Variants in SYNE1 observed in about 807,000 individuals in gnomAD.
SYNE1 encodes nesprin-1.
SYNE1 carries 616 observed loss-of-function variants against 1,111.0 expected under a neutral mutation model. That is an observed-to-expected ratio of 0.55 (90% CI 0.52 to 0.59). The LOEUF (loss-of-function observed/expected upper bound fraction) is 0.59. SYNE1 is among the 20% of genes least tolerant of loss of function. The probability of loss-of-function intolerance (pLI) is 0.00; values close to 1 mark genes in which losing one functional copy is unlikely to be tolerated. For missense variants in SYNE1, 10,006 were observed against 10,417.0 expected, an observed-to-expected ratio of 0.96 and a Z score of 1.72; for synonymous variants, 3,855 against 3,825.8, an observed-to-expected ratio of 1.01 and a Z score of -0.28.
Position 152,249,188 on chromosome 6 carries a change from A to G in SYNE1, c.19545T>C (p.Phe6515=). ...CTATTTGTTCTGCTACGGGCTGTTC[A>G]AACACATTTGCCAGTTTTTGCAGAA... ...YIILQKLANV[F]EQPVAEQIEA... The change falls in exon 105 of 146, where the codon TTT becomes TTC. Residue 6515 remains phenylalanine (F), a synonymous_variant. Coordinates refer to ENST00000367255, the MANE Select transcript of SYNE1 (RefSeq NM_182961.4). The G allele has an allele frequency of 6.2e-7, 1 of 1,613,958 alleles. No individual in the cohort carries two copies. Among genetic ancestry groups the G allele is most frequent in the Non-Finnish European group, 8.5e-7 (1 of 1,179,842 alleles).
In SYNE1 at chr6:152,589,306, G is replaced by A. The variant is rs371098485; in HGVS notation, c.67+38959C>T. 2.8e-3 allele frequency among the ~76,000 whole-genome samples: 432 copies of A among 152,102 alleles called. 3 individuals carry two copies. The highest frequency in any genetic ancestry group is 9.5e-3 in the African/African-American group (395 of 41,486). ...CATGAAATATACTATTATTAGTTTT[G>A]ATTATCTGAGAAAGGCTACTAGTAA... On this transcript the variant is annotated intron_variant, in intron 3 of 145. Coordinates refer to ENST00000367255, the MANE Select transcript of SYNE1 (RefSeq NM_182961.4).
intron 91 of SYNE1, chr6:152,302,314 G>C (rs940233714): frequency 1.7e-6 from 1 of 577,972 alleles, no homozygotes; most frequent in African/African-American, 1.9e-5. Context: ...AGAAATGAGG[G>C]GATGAGGCCG....
chr6:152,339,362 T>C lies in SYNE1; in HGVS notation c.12230A>G (p.Lys4077Arg). The change falls in exon 75 of 146, where the codon AAA becomes AGA. Residue 4077 changes from lysine (K) to arginine (R), a missense_variant. Lys to Arg is a conservative substitution (Grantham distance 26). Transcript: ENST00000367255. ...LSRAEAIKQV[K>R]HFRALQEQAR... ...CTGCTCTTGCAAAGCTCTGAAGTGT[T>C]TGACCTGGAAAAGGCAGTTATCAGA... The C allele has an allele frequency of 6.2e-7, 1 of 1,613,726 alleles. No homozygotes were observed. The highest frequency in any genetic ancestry group is 8.5e-7 in the Non-Finnish European group (1 of 1,179,708).
At chr6:152,166,668 T>C (rs972522250) in intron 130 of SYNE1, among the ~76,000 whole-genome samples, 8 of 152,224 alleles carry the variant, frequency 5.3e-5, no homozygotes, top group Admixed American at 3.9e-4. Flanking sequence ...GTTCATATAG[T>C]CCATTAGGGA....
intron 145 of SYNE1, 28 bp from the exon 146 acceptor site, chr6:152,122,704 C>T (rs2051706578): frequency 1.9e-6 from 3 of 1,613,060 alleles, no homozygotes; most frequent in Admixed American, 1.7e-5. Flanking sequence ...ATAAATTACT[C>T]AGATAACTCC....
At chr6:152,178,015 C>T (rs1257847540) in intron 129 of SYNE1, among the ~76,000 whole-genome samples, 1 of 151,104 alleles carries the variant, frequency 6.6e-6, no homozygotes, top group Non-Finnish European at 1.5e-5. Context: ...AAAGAGACGC[C>T]ACAAAGAGGA....
At chr6:152,398,415 G>T (rs1339892115) in intron 49 of SYNE1, among the ~76,000 whole-genome samples, 1 of 152,098 alleles carries the variant, frequency 6.6e-6, no homozygotes, top group South Asian at 2.1e-4. Context: ...GAGAGGAAAG[G>T]GATCTGGAAA....
chr6:152,400,133 T>A (rs2097790002), intron 47 of SYNE1, among the ~76,000 whole-genome samples: 1 of 152,042 alleles, frequency 6.6e-6, no homozygotes, highest in East Asian at 1.9e-4. Flanking sequence ...GTCAATTGAT[T>A]AGAGACCATC....
At chr6:152,381,439 G>A (rs961621518) in intron 55 of SYNE1, 77 bp from the exon 56 acceptor site, 8 of 1,473,264 alleles carry the variant, frequency 5.4e-6, no homozygotes, top group East Asian at 4.5e-5. Flanking sequence ...GTGTACACAG[G>A]GGGACCCTGT....
rs548286681 is a variant in SYNE1 at position 152,148,582 on chromosome 6, G to A, written c.24643-204C>T. 5.3e-5 allele frequency among the ~76,000 whole-genome samples: 8 copies of A among 151,838 alleles called. No homozygotes were observed. Among genetic ancestry groups the A allele is most frequent in the Non-Finnish European group, 8.8e-5 (6 of 67,982 alleles). Reference sequence around the variant, plus strand: ...ATCTCAGTTACGCTGTGTGCTTCCTGTTTAAGCTTGGATAAGGAACTTAAT... The same window carrying A: ...ATCTCAGTTACGCTGTGTGCTTCCTATTTAAGCTTGGATAAGGAACTTAAT... On this transcript the variant is annotated intron_variant, in intron 136 of 145. Coordinates refer to ENST00000367255, the MANE Select transcript of SYNE1 (RefSeq NM_182961.4). The surrounding 1 kb of genome is among the most constrained non-coding windows in gnomAD (Gnocchi z 4.1).
At chr6:152,168,217 T>G (rs759991154) in intron 130 of SYNE1, 2 of 758,496 alleles carry the variant, frequency 2.6e-6, no homozygotes, top group Non-Finnish European at 2.4e-6. Context: ...AGCTTCCACT[T>G]GCAAAAGTTA....
intron 3 of SYNE1, among the ~76,000 whole-genome samples, chr6:152,573,294 T>C (rs532786958): frequency 1.8e-4 from 27 of 151,318 alleles, no homozygotes; most frequent in Non-Finnish European, 3.5e-4. Flanking sequence ...AACTCGTCAT[T>C]TAGCATTAGG....
intron 109 of SYNE1, 120 bp from the exon 110 acceptor site, chr6:152,236,423 C>T (rs2084056733): frequency 4.0e-6 from 3 of 746,336 alleles, no homozygotes; most frequent in African/African-American, 1.8e-5. Context: ...AAACTATACT[C>T]ACTCAAGTAA....
chr6:152,330,165 T>C lies in SYNE1; in HGVS notation c.14520A>G (p.Glu4840=). Residue 4840 remains glutamate, a synonymous_variant, in exon 78 of 146, where the codon GAA becomes GAG. Coordinates refer to ENST00000367255, the MANE Select transcript of SYNE1 (RefSeq NM_182961.4). The part of the protein sequence containing the change: ...IVLKRVTIHL[E]DLAPHLDPLA... ...AGGGGTCAAGGTGTGGGGCAAGATC[T>C]TCAAGATGTATGGTTACTCGTTTCA... 1 of 1,614,214 alleles carries C rather than the reference T, an allele frequency of 6.2e-7. No homozygotes were observed. The highest frequency in any genetic ancestry group is 2.2e-5 in the East Asian group (1 of 44,876).
intron 72 of SYNE1, among the ~76,000 whole-genome samples, chr6:152,348,754 T>C (rs912806481): frequency 9.9e-6 from 1 of 100,532 alleles, no homozygotes; most frequent in Non-Finnish European, 2.3e-5. Context: ...GTGTTTTTTT[T>C]TTTTCCTGTT....
In SYNE1 at chr6:152,498,802, T is replaced by G; in HGVS notation, c.889-10A>C. ...AACCTGGAAGTATTTCCTAACAATATGAAAAGATAATATATAGAAATATAA... is the reference window on the plus strand; with the variant it reads ...AACCTGGAAGTATTTCCTAACAATAGGAAAAGATAATATATAGAAATATAA... On this transcript the variant is annotated splice_polypyrimidine_tract_variant and intron_variant, in intron 10 of 145. Coordinates refer to ENST00000367255, the MANE Select transcript of SYNE1 (RefSeq NM_182961.4). 1 of 1,453,940 alleles carries G rather than the reference T, an allele frequency of 6.9e-7. No homozygotes were observed. The highest frequency in any genetic ancestry group is 1.4e-5 in the African/African-American group (1 of 70,738). The allele number at this position is 1,453,940 out of a possible 1,614,324, so 90.1% of individuals were successfully genotyped here.
At chr6:152,634,435 G>A (rs956684651) in intron 2 of SYNE1, among the ~76,000 whole-genome samples, 2 of 152,148 alleles carry the variant, frequency 1.3e-5, no homozygotes, top group East Asian at 3.9e-4. Context: ...GCTGAAGAGA[G>A]TTCACATACT....
In SYNE1 at chr6:152,451,048, C is replaced by T. The variant is rs771821092; in HGVS notation, c.3185G>A (p.Arg1062Lys). 8.9e-5 allele frequency: 143 copies of T among 1,614,034 alleles called. No individual in the cohort carries two copies. The South Asian group carries it at 1.1e-3, about 13-fold the overall frequency. Residue 1062 changes from arginine to lysine, a missense_variant and splice_region_variant, in exon 26 of 146, where the codon AGG becomes AAG. Physicochemically the swap from Arg to Lys is conservative, Grantham distance 26. Transcript: ENST00000367255. ...EGSEKIIKEH[R>K]VFFSDKGPHH... ...CACATTGTGGTGTGGGAGACGTACC[C>T]TGTGCTCTTTAATTATCTTTTCACT...
At chr6:152,256,891 A>G (rs868535062) in intron 101 of SYNE1, 126 bp from the exon 102 acceptor site, 17 of 1,411,666 alleles carry the variant, frequency 1.2e-5, no homozygotes, top group Middle Eastern at 4.5e-4. Context: ...CTAGAGAAAT[A>G]TAACTTCTAC....
Sources: gnomAD v4.1 joint callset for allele counts (sites outside exome capture counted in the v4.1 genomes callset) on GRCh38, gnomAD v4.1.1 for gene constraint, Gnocchi (gnomAD v3.1) non-coding constraint, MANE v1.5 for transcripts, NCBI Gene and HGNC (gene_info 2026-07-23, HGNC 2026-07-21) for gene names.